Variants in JAZF1 observed in about 807,000 individuals in gnomAD.
JAZF1 encodes the protein JAZF zinc finger 1.
JAZF1 carries 8 observed loss-of-function variants against 26.4 expected under a neutral mutation model. The observed-to-expected ratio is 0.30, with a 90% CI of 0.18 to 0.55. The LOEUF is 0.55. Among genes scored for constraint, JAZF1 ranks in the 20% least tolerant of loss-of-function variants. The pLI, the probability that JAZF1 is intolerant of heterozygous loss-of-function variation, is 0.94. For missense variants in JAZF1, 199 were observed against 322.0 expected (o/e 0.62, Z 2.92); for synonymous variants, 126 against 122.3 (o/e 1.03, Z -0.20).
intron 1 of JAZF1, among the ~76,000 whole-genome samples, chr7:28,164,292 G>A (rs1583593898): frequency 6.6e-6 from 1 of 152,226 alleles, no homozygotes; most frequent in East Asian, 1.9e-4. Flanking sequence ...AGTTTGTGAT[G>A]CTTCATTATT....
chr7:27,908,485 T>C (rs1784301890), intron 2 of JAZF1, among the ~76,000 whole-genome samples: 1 of 152,194 alleles, frequency 6.6e-6, no homozygotes, highest in Non-Finnish European at 1.5e-5. Context: ...TTGCAAGAGT[T>C]CAGTTAAACT....
intron 2 of JAZF1, among the ~76,000 whole-genome samples, chr7:27,934,618 G>T (rs1053732233): frequency 6.6e-6 from 1 of 152,180 alleles, no homozygotes; most frequent in Non-Finnish European, 1.5e-5. Flanking sequence ...CCCATCGGGT[G>T]GGGGGCGGAA....
intron 1 of JAZF1, among the ~76,000 whole-genome samples, chr7:28,041,118 CAG>C (rs918962247): frequency 2.0e-5 from 3 of 152,016 alleles, no homozygotes; most frequent in African/African-American, 7.3e-5. Context: ...TGTGTGTAAT[CAG>C]AGAGAGTATT....
chr7:27,983,973 C>A (rs1052116389), intron 2 of JAZF1, among the ~76,000 whole-genome samples: 3 of 152,196 alleles, frequency 2.0e-5, no homozygotes, highest in Non-Finnish European at 2.9e-5. Context: ...AAAGGAACAA[C>A]CAGTACCAGC....
chr7:28,052,487 C>T (rs976718617), intron 1 of JAZF1, among the ~76,000 whole-genome samples: 3 of 151,636 alleles, frequency 2.0e-5, no homozygotes, highest in Admixed American at 2.0e-4. Flanking sequence ...CAGTGCAAAG[C>T]AGACAATCTA....
rs1450744246 is a variant in JAZF1, at chr7:27,831,728, G to A, written c.*1072C>T. ...AAAAAAAGTAAAAAATGAGCATGAA[G>A]AAGAGGCAATAGGGGTCTTAACAAA... On this transcript the variant is annotated 3_prime_UTR_variant, in exon 5 of 5. Coordinates refer to ENST00000283928, the MANE Select transcript of JAZF1 (RefSeq NM_175061.4). 3 of 225,742 alleles carry A rather than the reference G, an allele frequency of 1.3e-5. No individual in the cohort carries two copies. The highest frequency in any genetic ancestry group is 2.2e-5 in the African/African-American group (1 of 44,952). 14.0% of individuals were successfully genotyped at this position (225,742 alleles called of 1,614,324 possible). A position where few individuals can be genotyped will look rare whatever the true frequency, so the allele number is the denominator to read the frequency against.
chr7:27,874,510 C>T (rs780467397), intron 3 of JAZF1, among the ~76,000 whole-genome samples: 9 of 152,050 alleles, frequency 5.9e-5, no homozygotes, highest in South Asian at 4.2e-4. Context: ...ATTTCCAGAA[C>T]CAATCTGTCG....
intron 1 of JAZF1, among the ~76,000 whole-genome samples, chr7:28,023,384 A>C (rs1474182455): frequency 6.6e-6 from 1 of 152,234 alleles, no homozygotes; most frequent in East Asian, 1.9e-4. Flanking sequence ...TGAGGATGTA[A>C]GTAATTCGAA....
At chr7:27,878,554 T>G (rs1347940071) in intron 3 of JAZF1, among the ~76,000 whole-genome samples, 1 of 152,258 alleles carries the variant, frequency 6.6e-6, no homozygotes, top group Non-Finnish European at 1.5e-5. Flanking sequence ...GATCTCTGCA[T>G]AAATTTCTGG....
At chr7:28,124,145 T>C (rs889111498) in intron 1 of JAZF1, among the ~76,000 whole-genome samples, 3 of 151,906 alleles carry the variant, frequency 2.0e-5, no homozygotes, top group Non-Finnish European at 4.4e-5. Context: ...ATGAGGCCAT[T>C]AAGGTGGGCC....
intron 2 of JAZF1, among the ~76,000 whole-genome samples, chr7:27,934,301 G>C (rs1366344809): frequency 6.6e-6 from 1 of 152,126 alleles, no homozygotes; most frequent in Non-Finnish European, 1.5e-5. Context: ...CTTTTCTCTA[G>C]TAAATTACGT....
chr7:27,985,977 C>T (rs908584137), intron 2 of JAZF1, among the ~76,000 whole-genome samples: 2 of 152,116 alleles, frequency 1.3e-5, no homozygotes, highest in Non-Finnish European at 2.9e-5. Context: ...ATAATAAGAG[C>T]TATTTATGAC....
intron 2 of JAZF1, among the ~76,000 whole-genome samples, chr7:27,973,884 C>T (rs543190501): frequency 3.3e-5 from 5 of 152,090 alleles, no homozygotes; most frequent in African/African-American, 4.8e-5. Context: ...GCAGGGAGAT[C>T]GGTGAACTCT....
At chr7:27,989,975 A>G (rs530831370) in intron 2 of JAZF1, among the ~76,000 whole-genome samples, 2 of 152,366 alleles carry the variant, frequency 1.3e-5, no homozygotes, top group South Asian at 4.1e-4. Context: ...CTATAAAGAC[A>G]CATGCACATG....
chr7:28,071,676 A>T, intron 1 of JAZF1: 1 of 470,300 alleles, frequency 2.1e-6, no homozygotes, highest in Non-Finnish European at 4.4e-6. Flanking sequence ...CGGCACTTAC[A>T]GCTGATTAAA....
intron 1 of JAZF1, among the ~76,000 whole-genome samples, chr7:28,006,357 A>G (rs1235438582): frequency 6.6e-6 from 1 of 152,132 alleles, no homozygotes; most frequent in Non-Finnish European, 1.5e-5. Flanking sequence ...CAACAGAGCA[A>G]GACTGTGTCT....
intron 2 of JAZF1, among the ~76,000 whole-genome samples, chr7:27,940,738 A>T (rs1449355507): frequency 6.6e-6 from 1 of 152,206 alleles, no homozygotes. Flanking sequence ...TTAATTTTCC[A>T]TTAAAATCTA....
chr7:28,094,259 C>T (rs954140466), intron 1 of JAZF1, among the ~76,000 whole-genome samples: 1 of 152,092 alleles, frequency 6.6e-6, no homozygotes, highest in African/African-American at 2.4e-5. Context: ...TCTGCCTCCC[C>T]GATATCCCTT....
intron 2 of JAZF1, among the ~76,000 whole-genome samples, chr7:27,941,910 G>T (rs1784854315): frequency 3.3e-5 from 5 of 152,172 alleles, no homozygotes; most frequent in Admixed American, 2.6e-4. Flanking sequence ...GAGGGGACAG[G>T]CAAGGAACTG....
Sources: gnomAD v4.1 joint callset for allele counts (sites outside exome capture counted in the v4.1 genomes callset) on GRCh38, gnomAD v4.1.1 for gene constraint, MANE v1.5 for transcripts, NCBI Gene and HGNC (gene_info 2026-07-23, HGNC 2026-07-21) for gene names.